The following CBFA2T3 variants were observed in gnomAD, a reference collection of about 807,000 sequenced individuals.
CBFA2T3 encodes the protein transcriptional corepressor CBFA2T3.
In CBFA2T3, 31 loss-of-function variants were observed where a neutral mutation model predicts 58.6. The observed-to-expected ratio is 0.53, with a 90% CI of 0.40 to 0.71. The LOEUF is 0.71. Ranked by LOEUF, CBFA2T3 falls within the 30% of genes least tolerant of loss-of-function variation. The pLI is 0.00. For missense variants in CBFA2T3, 1,076 were observed against 963.1 expected, an observed-to-expected ratio of 1.12 and a Z score of -1.55; for synonymous variants, 531 against 421.9, an observed-to-expected ratio of 1.26 and a Z score of -3.17.
chr16:88,904,780 C>T (rs997952164), intron 1 of CBFA2T3, among the ~76,000 whole-genome samples: 3 of 152,162 alleles, frequency 2.0e-5, no homozygotes, highest in Non-Finnish European at 2.9e-5. Context: ...CTGTTGAATC[C>T]TGTGTGAGTG....
At chr16:88,926,282 C>A (rs776043524) in intron 1 of CBFA2T3, among the ~76,000 whole-genome samples, 1 of 152,192 alleles carries the variant, frequency 6.6e-6, no homozygotes, top group African/African-American at 2.4e-5. Context: ...AGTTCCAGCA[C>A]CTAAAAGGTG....
rs527610709 is a variant in CBFA2T3 at position 88,874,881 on chromosome 16, C to T, written c.*2095G>A. The T allele has an allele frequency of 4.3e-6, 1 of 231,446 alleles. No individual in the cohort carries two copies. Among genetic ancestry groups the T allele is most frequent in the East Asian group, 6.1e-5 (1 of 16,354 alleles). 14.3% of individuals were successfully genotyped at this position (231,446 alleles called of 1,614,324 possible). A position where few individuals can be genotyped will look rare whatever the true frequency, so the allele number is the denominator to read the frequency against. ...CCTGCGGTTTCTGTTTTTTATTTGG[C>T]AAACATCTCGTTTATTACCATCATG... On this transcript the variant is annotated 3_prime_UTR_variant, in exon 12 of 12. Coordinates refer to ENST00000268679, the MANE Select transcript of CBFA2T3 (RefSeq NM_005187.6).
At chr16:88,905,063 A>G (rs1970253910) in intron 1 of CBFA2T3, among the ~76,000 whole-genome samples, 1 of 152,018 alleles carries the variant, frequency 6.6e-6, no homozygotes, top group Non-Finnish European at 1.5e-5. Context: ...AAGGTAGAGG[A>G]ACAGCATTTG....
chr16:88,936,523 G>A (rs1435205962), intron 1 of CBFA2T3, among the ~76,000 whole-genome samples: 2 of 151,900 alleles, frequency 1.3e-5, no homozygotes, highest in Non-Finnish European at 1.5e-5. Flanking sequence ...TATCCACCAC[G>A]ACCTCAGCCT....
chr16:88,925,668 C>G (rs545601016), intron 1 of CBFA2T3, among the ~76,000 whole-genome samples: 5 of 152,206 alleles, frequency 3.3e-5, no homozygotes, highest in Non-Finnish European at 5.9e-5. Flanking sequence ...CCAGGGTAAC[C>G]GGAGGCTTCT....
intron 1 of CBFA2T3, among the ~76,000 whole-genome samples, chr16:88,942,100 A>ACACTTTGCAT (rs1376990762): frequency 1.3e-5 from 2 of 152,020 alleles, no homozygotes; most frequent in African/African-American, 4.8e-5. Context: ...TCATTTGCAT[A>ACACTTTGCAT]TCGTGCGTTT....
At chr16:88,915,930 G>A (rs1970703566) in intron 1 of CBFA2T3, among the ~76,000 whole-genome samples, 2 of 152,076 alleles carry the variant, frequency 1.3e-5, no homozygotes, top group Non-Finnish European at 2.9e-5. Context: ...AGGCATGTGT[G>A]CGTGTGAGTG....
chr16:88,957,044 A>G (rs779115493), intron 1 of CBFA2T3, among the ~76,000 whole-genome samples: 4 of 151,766 alleles, frequency 2.6e-5, no homozygotes, highest in African/African-American at 7.3e-5. Context: ...GGCAGCCTGA[A>G]GTCGGGGCCC....
At position 88,901,525 on chromosome 16, in the gene CBFA2T3, G is replaced by T. The variant is rs761399630; in HGVS notation, c.283C>A (p.Pro95Thr). ...TTACGTGTGTGTGGCGTGAAGGAGG[G>T]GGGGCGTGTGGCCCCCTGGGATGCG... The part of the protein sequence containing the change: ...PAASQGATRP[P>T]SFTPHTHRED... The change falls in exon 2 of 12, where the codon CCC becomes ACC. Residue 95 changes from proline (P) to threonine (T), a missense_variant. Coordinates refer to ENST00000268679, the MANE Select transcript of CBFA2T3 (RefSeq NM_005187.6). 2.7e-6 allele frequency: 4 copies of T among 1,478,086 alleles called. No individual in the cohort carries two copies. The highest frequency in any genetic ancestry group is 3.6e-6 in the Non-Finnish European group (4 of 1,119,060). 91.6% of individuals were successfully genotyped at this position (1,478,086 alleles called of 1,614,324 possible). A position where few individuals can be genotyped will look rare whatever the true frequency, so the allele number is the denominator to read the frequency against.
chr16:88,976,270 G>A (rs1329934252), intron 1 of CBFA2T3, among the ~76,000 whole-genome samples: 1 of 152,190 alleles, frequency 6.6e-6, no homozygotes, highest in Non-Finnish European at 1.5e-5. Context: ...GCTGTGAGGT[G>A]TCACACCCGG....
At chr16:88,909,214 C>T (rs1418614625) in intron 1 of CBFA2T3, among the ~76,000 whole-genome samples, 1 of 152,216 alleles carries the variant, frequency 6.6e-6, no homozygotes, top group Non-Finnish European at 1.5e-5. Flanking sequence ...GGCTGTGGTG[C>T]AGGCAGGGCT....
At chr16:88,940,571 A>G (rs1398381926) in intron 1 of CBFA2T3, among the ~76,000 whole-genome samples, 1 of 152,122 alleles carries the variant, frequency 6.6e-6, no homozygotes, top group Admixed American at 6.5e-5. Flanking sequence ...GACCACCTTT[A>G]GCCTGCGGGG....
intron 1 of CBFA2T3, among the ~76,000 whole-genome samples, chr16:88,905,687 C>T (rs1970288990): frequency 2.2e-5 from 2 of 92,596 alleles, no homozygotes; most frequent in Non-Finnish European, 4.3e-5. Context: ...GAAGGAGGGG[C>T]GGGGCTGAAG....
At chr16:88,957,431 G>T (rs180672835) in intron 1 of CBFA2T3, among the ~76,000 whole-genome samples, 2 of 152,230 alleles carry the variant, frequency 1.3e-5, no homozygotes, top group African/African-American at 4.8e-5. Context: ...CAGCACAAAC[G>T]GGGTCGGAGC....
chr16:88,906,876 G>A (rs956299089), intron 1 of CBFA2T3, among the ~76,000 whole-genome samples: 5 of 152,226 alleles, frequency 3.3e-5, no homozygotes, highest in African/African-American at 4.8e-5. Context: ...GCCTTGCTGG[G>A]ACAGCCCAGG....
chr16:88,944,430 G>GC (rs1971851082), intron 1 of CBFA2T3, among the ~76,000 whole-genome samples: 1 of 151,762 alleles, frequency 6.6e-6, no homozygotes, highest in African/African-American at 2.4e-5. Flanking sequence ...AGCATCTGGT[G>GC]CCCCGATCAC....
chr16:88,894,904 C>T (rs1012149584), intron 3 of CBFA2T3, among the ~76,000 whole-genome samples: 6 of 151,200 alleles, frequency 4.0e-5, no homozygotes, highest in African/African-American at 1.5e-4. Flanking sequence ...GCAGCGGCTC[C>T]CCCTGGGCAG....
chr16:88,881,107 G>A (rs769761019), intron 9 of CBFA2T3, 184 bp downstream of exon 9: 6 of 729,630 alleles, frequency 8.2e-6, no homozygotes, highest in Middle Eastern at 4.5e-4. Flanking sequence ...CCCACCAGAC[G>A]CTCTGAGCTC....
chr16:88,903,694 G>GTT (rs1970192793), intron 1 of CBFA2T3, among the ~76,000 whole-genome samples: 6 of 134,860 alleles, frequency 4.4e-5, no homozygotes, highest in African/African-American at 1.7e-4. Flanking sequence ...GCATTCCTGG[G>GTT]GGGGGCGTTC....
Sources: allele counts gnomAD v4.1 joint callset (sites outside exome capture counted in the v4.1 genomes callset), GRCh38; gene constraint gnomAD v4.1.1; transcripts MANE v1.5; gene names NCBI Gene and HGNC (gene_info 2026-07-23, HGNC 2026-07-21).